PLAGL1: variants seen among roughly 807,000 people sequenced by gnomAD.
The protein encoded by PLAGL1 is PLAG1 like zinc finger 1.
A neutral mutation model predicts 4.6 loss-of-function variants in PLAGL1; 1 was observed. The ratio of observed to expected loss-of-function variants is 0.22; its 90% confidence interval spans 0.08 to 1.03. The LOEUF (loss-of-function observed/expected upper bound fraction) is 1.03, where lower values mean the gene tolerates loss of function less well. Among genes scored for constraint, PLAGL1 ranks in the 50% least tolerant of loss-of-function variants. PLAGL1 has a pLI of 0.58. For missense variants in PLAGL1, 464 were observed against 570.4 expected, an observed-to-expected ratio of 0.81 and a Z score of 1.90; for synonymous variants, 240 against 237.8, an observed-to-expected ratio of 1.01 and a Z score of -0.08.
rs527350024 is a variant in PLAGL1 at position 143,941,529 on chromosome 6, C to T, written c.1287G>A (p.Met429Ile). ...GQQQQEPPLA[M>I]GTVSLGQLPL... ...GGAGCTGGCCCAGGCTCACAGTGCC[C>T]ATGGCAAGTGGGGGTTCTTGCTGCT... is the stretch of plus-strand genomic sequence containing the variant. Residue 429 changes from methionine to isoleucine, a missense_variant, in exon 8 of 8, where the codon ATG becomes ATA. This residue lies in a region of PLAGL1 where 20 missense variants were observed against 46.3 expected (regional missense o/e 0.43). Transcript: ENST00000674357. This position sits in a 1 kb window ranked among gnomAD's most constrained non-coding sequence, Gnocchi z 6.0. 2 of 1,557,296 alleles carry T rather than the reference C, an allele frequency of 1.3e-6. No individual in the cohort carries two copies. Among genetic ancestry groups the T allele is most frequent in the East Asian group, 4.5e-5 (2 of 44,448 alleles).
rs1262986347 is a variant in PLAGL1, at chr6:143,989,995, G to T, written c.-583-4821C>A. Among the ~76,000 whole-genome samples the T allele has an allele frequency of 2.0e-5, 3 of 152,128 alleles. No individual in the cohort carries two copies. The highest frequency in any genetic ancestry group is 2.1e-4 in the South Asian group (1 of 4,818). Reference sequence around the variant, plus strand: ...AGAAACTTCCCCATATCCACAGGAGGATGCACCCTCCCTAAAACCAGAGGC... The same window carrying T: ...AGAAACTTCCCCATATCCACAGGAGTATGCACCCTCCCTAAAACCAGAGGC... On this transcript the variant is annotated intron_variant, in intron 1 of 7. Transcript: ENST00000674357. The surrounding 1 kb of genome is among the most constrained non-coding windows in gnomAD (Gnocchi z 4.8).
chr6:144,010,450 G>T (rs1177945345), upstream of PLAGL1, among the ~76,000 whole-genome samples: 1 of 152,130 alleles, frequency 6.6e-6, no homozygotes, highest in Non-Finnish European at 1.5e-5. This position sits in a 1 kb window ranked among gnomAD's most constrained non-coding sequence, Gnocchi z 4.1. Flanking sequence ...AAGGAAATCA[G>T]AGAGGACACA....
Position 143,997,908 on chromosome 6 carries a change from G to A in PLAGL1, c.-584+10182C>T, listed in dbSNP as rs1792021999. Among the ~76,000 whole-genome samples, 1 of 152,160 alleles carries A rather than the reference G, an allele frequency of 6.6e-6. No individual in the cohort carries two copies. The highest frequency in any genetic ancestry group is 2.4e-5 in the African/African-American group (1 of 41,432). On this transcript the variant is annotated intron_variant, in intron 1 of 7. Coordinates refer to ENST00000674357, the MANE Select transcript of PLAGL1 (RefSeq NM_001317162.2). The surrounding 1 kb of genome is among the most constrained non-coding windows in gnomAD (Gnocchi z 4.6). Reference sequence around the variant, plus strand: ...TCAAGCTATATACTTAAGAATGGCAGATTTCATATGTTTTTCTTCCCCATG... The same window carrying A: ...TCAAGCTATATACTTAAGAATGGCAAATTTCATATGTTTTTCTTCCCCATG...
In PLAGL1 at chr6:144,004,346, C is replaced by G. The variant is rs541416236; in HGVS notation, c.-584+3744G>C. 7.9e-5 allele frequency among the ~76,000 whole-genome samples: 12 copies of G among 152,166 alleles called. No individual in the cohort carries two copies. The East Asian group carries it at 2.3e-3, about 29-fold the overall frequency. ...ATAGACAGGAGCCATGGAACACAGC[C>G]CAATAAAATTTTATAAACAGAAACA... On this transcript the variant is annotated intron_variant, in intron 1 of 7. Coordinates refer to ENST00000674357, the MANE Select transcript of PLAGL1 (RefSeq NM_001317162.2). This position sits in a 1 kb window ranked among gnomAD's most constrained non-coding sequence, Gnocchi z 4.2.
intron 1 of PLAGL1, among the ~76,000 whole-genome samples, chr6:144,058,741 G>C (rs572018759): frequency 7.2e-5 from 11 of 152,278 alleles, no homozygotes; most frequent in South Asian, 2.1e-4. Flanking sequence ...AAATCTTAAA[G>C]CTCGGAAATT....
rs745955274 is a variant in PLAGL1 at position 143,953,910 on chromosome 6, G to A, written c.-324-5450C>T. Among the ~76,000 whole-genome samples, 102 of 152,168 alleles carry A rather than the reference G, an allele frequency of 6.7e-4. No individual in the cohort carries two copies. Among genetic ancestry groups the A allele is most frequent in the Non-Finnish European group, 1.2e-3 (85 of 68,028 alleles). On this transcript the variant is annotated intron_variant, in intron 6 of 7. Transcript: ENST00000674357. The surrounding 1 kb of genome is among the most constrained non-coding windows in gnomAD (Gnocchi z 5.3). ...TGAAAGTCTGTTAGTGAAGCACTGA[G>A]CCCTCCTGACCTCTCCTGATGCCTG...
In PLAGL1 at chr6:144,055,582, C is replaced by T. The variant is rs751251876; in HGVS notation, c.-151+8886G>A. On this transcript the variant is annotated intron_variant, in intron 1 of 3. Transcript: ENST00000437412. This position sits in a 1 kb window ranked among gnomAD's most constrained non-coding sequence, Gnocchi z 5.0. Reference sequence around the variant, plus strand: ...CCAGTCTCATCTCAACAGTCTCTTCCATTGATGGCCCTTGTGCTGGTCCAT... The same window carrying T: ...CCAGTCTCATCTCAACAGTCTCTTCTATTGATGGCCCTTGTGCTGGTCCAT... Among the ~76,000 whole-genome samples the T allele has an allele frequency of 6.6e-5, 10 of 152,162 alleles. No individual in the cohort carries two copies. The highest frequency in any genetic ancestry group is 1.2e-4 in the Non-Finnish European group (8 of 68,034).
Position 143,948,946 on chromosome 6 carries a change from A to G in PLAGL1, c.-324-486T>C, listed in dbSNP as rs1326979709. Among the ~76,000 whole-genome samples the G allele has an allele frequency of 6.6e-6, 1 of 152,198 alleles. No individual in the cohort carries two copies. Among genetic ancestry groups the G allele is most frequent in the Non-Finnish European group, 1.5e-5 (1 of 68,034 alleles). On this transcript the variant is annotated intron_variant, in intron 6 of 7. Coordinates refer to ENST00000674357, the MANE Select transcript of PLAGL1 (RefSeq NM_001317162.2). This position sits in a 1 kb window ranked among gnomAD's most constrained non-coding sequence, Gnocchi z 6.0. ...ACACCTGTTTAAACTTCCAGAGGAT[A>G]AGAAATAATTTGTATACACCTAAGT...
rs1055640572 is a variant in PLAGL1 at position 144,013,593 on chromosome 6, A to C, written c.-150-44615T>G. Among the ~76,000 whole-genome samples, 2 of 152,250 alleles carry C rather than the reference A, an allele frequency of 1.3e-5. No individual in the cohort carries two copies. The highest frequency in any genetic ancestry group is 2.9e-5 in the Non-Finnish European group (2 of 68,044). ...AAATCAAGATATCAGCAAAGGCCGC[A>C]GGCGCCATCTAGTGGCTCTAGTGGA... On this transcript the variant is annotated intron_variant, in intron 1 of 3. Transcript: ENST00000437412. This position sits in a 1 kb window ranked among gnomAD's most constrained non-coding sequence, Gnocchi z 4.4.
intron 1 of PLAGL1, among the ~76,000 whole-genome samples, chr6:144,032,722 T>A (rs1004701590): frequency 1.3e-5 from 2 of 151,996 alleles, no homozygotes; most frequent in African/African-American, 4.8e-5. Context: ...CCAACACGCC[T>A]GGCTAATTTT....
At position 144,059,097 on chromosome 6, in the gene PLAGL1, C is replaced by T. The variant is rs1040918140; in HGVS notation, c.-151+5371G>A. ...CCTACAGCAGGCTTCTGCCTGTACA[C>T]TCAGGCTTTCTGATATGTCATTGGA... On this transcript the variant is annotated intron_variant, in intron 1 of 3. Transcript: ENST00000437412. This position sits in a 1 kb window ranked among gnomAD's most constrained non-coding sequence, Gnocchi z 4.9. Among the ~76,000 whole-genome samples the T allele has an allele frequency of 6.6e-6, 1 of 152,226 alleles. No homozygotes were observed. The highest frequency in any genetic ancestry group is 1.5e-5 in the Non-Finnish European group (1 of 68,042).
chr6:143,993,164 G>A (rs1790854619), intron 1 of PLAGL1, among the ~76,000 whole-genome samples: 1 of 151,510 alleles, frequency 6.6e-6, no homozygotes, highest in Admixed American at 6.6e-5. Flanking sequence ...AAAATTAGCT[G>A]GGTGTGGTGG....
Position 143,942,422 on chromosome 6 carries a change from T to C in PLAGL1, c.394A>G (p.Thr132Ala). The C allele has an allele frequency of 6.2e-7, 1 of 1,614,148 alleles. No homozygotes were observed. Among genetic ancestry groups the C allele is most frequent in the South Asian group, 1.1e-5 (1 of 91,084 alleles). ...TTGAGGTGGTCCAGTAGCACCTCGG[T>C]GCTCCCTAGCTCCAGGGCACAGACC... ...CGVCALELGS[T>A]EVLLDHLKAH... The change falls in exon 8 of 8, where the codon ACC becomes GCC. Residue 132 changes from threonine to alanine, a missense_variant. Physicochemically the swap from Thr to Ala is moderately conservative, Grantham distance 58. Coordinates refer to ENST00000674357, the MANE Select transcript of PLAGL1 (RefSeq NM_001317162.2). This position sits in a 1 kb window ranked among gnomAD's most constrained non-coding sequence, Gnocchi z 7.6.
rs1324243101 is a variant in PLAGL1, at chr6:143,971,122, C to T, written c.-543-2144G>A. 6.6e-6 allele frequency among the ~76,000 whole-genome samples: 1 copy of T among 151,570 alleles called. No individual in the cohort carries two copies. Among genetic ancestry groups the T allele is most frequent in the Non-Finnish European group, 1.5e-5 (1 of 67,942 alleles). On this transcript the variant is annotated intron_variant, in intron 2 of 7. Transcript: ENST00000674357. This position sits in a 1 kb window ranked among gnomAD's most constrained non-coding sequence, Gnocchi z 4.7. Reference sequence around the variant, plus strand: ...TTTTTTTTTTATCTTCAAGTTAATACTTATGAGGGTGAGAGTCTACCAATG... The same window carrying T: ...TTTTTTTTTTATCTTCAAGTTAATATTTATGAGGGTGAGAGTCTACCAATG...
intron 7 of PLAGL1, among the ~76,000 whole-genome samples, chr6:143,943,628 A>C (rs1779132147): frequency 6.6e-6 from 1 of 151,546 alleles, no homozygotes; most frequent in African/African-American, 2.4e-5. Context: ...TCCCTCTAAG[A>C]CACCTTTGAC....
chr6:144,019,790 T>TAAA (rs112007022), intron 1 of PLAGL1, among the ~76,000 whole-genome samples: 7 of 144,274 alleles, frequency 4.9e-5, no homozygotes, highest in Admixed American at 1.4e-4. Context: ...AAAAGTTACT[T>TAAA]AAAAAAAAAA....
At chr6:144,045,000 C>CTTTTTTTTTTTTTTT (rs138373370) in intron 1 of PLAGL1, among the ~76,000 whole-genome samples, 1 of 47,322 alleles carries the variant, frequency 2.1e-5, no homozygotes, top group African/African-American at 8.7e-5. Context: ...GCAACCCCTG[C>CTTTTTTTTTTTTTTT]TTTTTTTTTT....
rs754605162 is a variant in PLAGL1, at chr6:144,060,259, G to A, written c.-151+4209C>T. On this transcript the variant is annotated intron_variant, in intron 1 of 3. Coordinates refer to the PLAGL1 transcript ENST00000437412. ...AGGTGGGGTTTCACCATGTTGCCAA[G>A]GCTGGTCTCAAACTCTTGGGCTCAA... Among the ~76,000 whole-genome samples, 138 of 152,130 alleles carry A rather than the reference G, an allele frequency of 9.1e-4. 2 individuals are homozygous for A. The highest frequency in any genetic ancestry group is 2.6e-4 in the Non-Finnish European group (18 of 68,014).
Position 143,979,217 on chromosome 6 carries a change from A to G in PLAGL1, c.-544+5918T>C, listed in dbSNP as rs1007639751. 6.6e-6 allele frequency among the ~76,000 whole-genome samples: 1 copy of G among 152,114 alleles called. No homozygotes were observed. The highest frequency in any genetic ancestry group is 6.5e-5 in the Admixed American group (1 of 15,280). On this transcript the variant is annotated intron_variant, in intron 2 of 7. Coordinates refer to ENST00000674357, the MANE Select transcript of PLAGL1 (RefSeq NM_001317162.2). The surrounding 1 kb of genome is among the most constrained non-coding windows in gnomAD (Gnocchi z 4.6). Reference sequence around the variant, plus strand: ...TAGGCAGCATATAGTTAGTTCTCAAAGCGTTTTGTATGTATTAAATCTGAC... The same window carrying G: ...TAGGCAGCATATAGTTAGTTCTCAAGGCGTTTTGTATGTATTAAATCTGAC...
Sources: gnomAD v4.1 joint callset for allele counts (sites outside exome capture counted in the v4.1 genomes callset) on GRCh38, gnomAD v4.1.1 for gene constraint, gnomAD v4.1.1 regional missense constraint, Gnocchi (gnomAD v3.1) non-coding constraint, MANE v1.5 for transcripts, NCBI Gene and HGNC (gene_info 2026-07-23, HGNC 2026-07-21) for gene names.